Variants in PTPRD observed in about 807,000 individuals in gnomAD.
The protein encoded by PTPRD is protein tyrosine phosphatase receptor type D, also known as receptor-type tyrosine-protein phosphatase delta.
PTPRD carries 34 observed loss-of-function variants against 214.5 expected under a neutral mutation model. The observed-to-expected ratio is 0.16, with a 90% CI of 0.12 to 0.21. PTPRD has a LOEUF of 0.21. PTPRD is among the 10% of genes least tolerant of loss of function. PTPRD has a pLI of 1.00. For synonymous variants in PTPRD, 1,128 were observed against 845.7 expected (o/e 1.33, Z -5.79); for missense variants, 2,545 against 2,398.7 (o/e 1.06, Z -1.27).
At chr9:9,174,559 T>C (rs530439079) in intron 10 of PTPRD, among the ~76,000 whole-genome samples, 2 of 152,294 alleles carry the variant, frequency 1.3e-5, no homozygotes, top group Admixed American at 1.3e-4. Flanking sequence ...TAGATATACA[T>C]AAATGCTATC....
At chr9:10,535,052 G>A (rs2057411118) in intron 2 of PTPRD, among the ~76,000 whole-genome samples, 1 of 152,154 alleles carries the variant, frequency 6.6e-6, no homozygotes, top group African/African-American at 2.4e-5. Flanking sequence ...TTTACAGCTG[G>A]GGGATGGCAG....
At chr9:9,108,407 C>T (rs1467971082) in intron 10 of PTPRD, among the ~76,000 whole-genome samples, 2 of 152,110 alleles carry the variant, frequency 1.3e-5, no homozygotes, top group African/African-American at 2.4e-5. Context: ...GTAGGCTGTG[C>T]TATGCTGCAA....
intron 26 of PTPRD, among the ~76,000 whole-genome samples, chr9:8,494,918 A>G (rs2097228511): frequency 6.6e-6 from 1 of 151,954 alleles, no homozygotes. Flanking sequence ...TATGGCCATA[A>G]TTCCTCATTC....
intron 9 of PTPRD, among the ~76,000 whole-genome samples, chr9:9,228,038 A>AT (rs1302218933): frequency 6.6e-6 from 1 of 152,156 alleles, no homozygotes; most frequent in Non-Finnish European, 1.5e-5. Context: ...CAGGCTGTCT[A>AT]TATCATGTCA....
intron 5 of PTPRD, among the ~76,000 whole-genome samples, chr9:9,933,367 A>T (rs1388958946): frequency 2.0e-5 from 3 of 151,898 alleles, no homozygotes; most frequent in African/African-American, 7.3e-5. Context: ...GGCTCAAAAT[A>T]AAAGGATGGA....
intron 2 of PTPRD, among the ~76,000 whole-genome samples, chr9:10,479,889 C>G (rs2099086874): frequency 6.6e-6 from 1 of 152,018 alleles, no homozygotes; most frequent in Non-Finnish European, 1.5e-5. Context: ...CAAGAGTCTT[C>G]AATCTGAAGG....
intron 5 of PTPRD, among the ~76,000 whole-genome samples, chr9:9,922,071 G>A (rs1052158684): frequency 2.0e-5 from 3 of 152,102 alleles, no homozygotes; most frequent in East Asian, 3.9e-4. Flanking sequence ...AGAAAGTACT[G>A]CCTATATGCC....
chr9:9,333,701 T>C (rs886986854), intron 9 of PTPRD, among the ~76,000 whole-genome samples: 3 of 151,546 alleles, frequency 2.0e-5, no homozygotes, highest in Non-Finnish European at 4.4e-5. Flanking sequence ...TGACAGTTGA[T>C]AGATATTTCC....
intron 11 of PTPRD, among the ~76,000 whole-genome samples, chr9:8,900,063 T>C (rs955249161): frequency 2.0e-5 from 3 of 152,140 alleles, no homozygotes; most frequent in African/African-American, 7.2e-5. Flanking sequence ...CAAAACTGCA[T>C]TGTCAAGCTG....
intron 4 of PTPRD, among the ~76,000 whole-genome samples, chr9:9,957,962 C>A (rs1021629993): frequency 6.6e-6 from 1 of 151,728 alleles, no homozygotes; most frequent in African/African-American, 2.4e-5. Flanking sequence ...AAAGCAAGGG[C>A]AATTCAATGG....
At chr9:9,285,481 G>T (rs1949067175) in intron 9 of PTPRD, among the ~76,000 whole-genome samples, 1 of 151,618 alleles carries the variant, frequency 6.6e-6, no homozygotes, top group African/African-American at 2.4e-5. Flanking sequence ...ATCACTTGAT[G>T]GCTTCATTTC....
chr9:8,664,707 C>T (rs1000588341), intron 12 of PTPRD, among the ~76,000 whole-genome samples: 6 of 152,296 alleles, frequency 3.9e-5, no homozygotes, highest in Admixed American at 2.6e-4. Context: ...TTGTATATAT[C>T]CCCACACTAC....
chr9:8,710,093 A>G (rs2098298131), intron 12 of PTPRD, among the ~76,000 whole-genome samples: 1 of 152,228 alleles, frequency 6.6e-6, no homozygotes, highest in African/African-American at 2.4e-5. Flanking sequence ...ATCTGCGTGA[A>G]GCAAGGTGCA....
At chr9:8,777,588 T>C (rs1476659418) in intron 11 of PTPRD, among the ~76,000 whole-genome samples, 1 of 152,232 alleles carries the variant, frequency 6.6e-6, no homozygotes, top group African/African-American at 2.4e-5. Flanking sequence ...TGAGAATGTG[T>C]ATCCCATTTT....
chr9:8,651,585 T>G (rs1014854271), intron 12 of PTPRD, among the ~76,000 whole-genome samples: 7 of 152,198 alleles, frequency 4.6e-5, no homozygotes, highest in African/African-American at 1.7e-4. Flanking sequence ...CAGCTACATC[T>G]CTGTAAAATA....
chr9:9,348,397 T>C (rs9299094), intron 9 of PTPRD, among the ~76,000 whole-genome samples: 100,572 of 152,000 alleles, frequency 0.66, 33,474 homozygotes, highest in Middle Eastern at 0.73. Flanking sequence ...TATCTTGCAG[T>C]AGGAGACCAT....
intron 3 of PTPRD, among the ~76,000 whole-genome samples, chr9:10,135,026 G>C (rs1439042192): frequency 6.6e-6 from 1 of 152,066 alleles, no homozygotes; most frequent in Non-Finnish European, 1.5e-5. Context: ...TTTTTTAAAA[G>C]AACCAAATTG....
At chr9:9,620,911 A>ATG (rs1222300656) in intron 7 of PTPRD, among the ~76,000 whole-genome samples, 1 of 151,984 alleles carries the variant, frequency 6.6e-6, no homozygotes, top group African/African-American at 2.4e-5. Flanking sequence ...AGGAAATGAT[A>ATG]TGGTACTTGG....
chr9:10,252,489 C>T (rs925936663), intron 3 of PTPRD, among the ~76,000 whole-genome samples: 4 of 152,074 alleles, frequency 2.6e-5, no homozygotes, highest in Admixed American at 1.3e-4. Context: ...TTGTCTCCCC[C>T]ATTTTCATGA....
Sources: gnomAD v4.1 joint callset for allele counts (sites outside exome capture counted in the v4.1 genomes callset) on GRCh38, gnomAD v4.1.1 for gene constraint, MANE v1.5 for transcripts, NCBI Gene and HGNC (gene_info 2026-07-23, HGNC 2026-07-21) for gene names.